The following FILIP1 variants were observed in gnomAD, a reference collection of about 807,000 sequenced individuals.
FILIP1 encodes filamin-A-interacting protein 1.
In FILIP1, 61 loss-of-function variants were observed where a neutral mutation model predicts 102.1. The observed-to-expected ratio is 0.60, with a 90% CI of 0.49 to 0.74. The LOEUF (loss-of-function observed/expected upper bound fraction) is 0.74. FILIP1 is among the 30% of genes least tolerant of loss of function. The pLI, the probability that FILIP1 is intolerant of heterozygous loss-of-function variation, is 0.00. For missense variants in FILIP1, 1,314 were observed against 1,441.2 expected (o/e 0.91, Z 1.43); for synonymous variants, 491 against 526.9 (o/e 0.93, Z 0.93).
In FILIP1 at chr6:75,377,793, C is replaced by T. The variant is rs77786401; in HGVS notation, c.277-14876G>A. 7.1e-3 allele frequency among the ~76,000 whole-genome samples: 1,088 copies of T among 152,280 alleles called. 36 individuals carry two copies. In the East Asian group the frequency reaches 0.11, roughly 15 times the overall value. On this transcript the variant is annotated intron_variant, in intron 2 of 5. Transcript: ENST00000237172. ...ACAGAACTGCTTTTTAAAAAGCTAC[C>T]TTTTTGCCCTTCGCTAGAGAAAGTT...
At chr6:75,493,012 A>G (rs1780009247) in intron 1 of FILIP1, among the ~76,000 whole-genome samples, 1 of 152,228 alleles carries the variant, frequency 6.6e-6, no homozygotes, top group Non-Finnish European at 1.5e-5. Flanking sequence ...ACCAAACACA[A>G]GCTGCTTAGC....
intron 6 of FILIP1, among the ~76,000 whole-genome samples, chr6:75,298,459 TAGTG>T (rs1267134440): frequency 2.6e-5 from 4 of 152,196 alleles, no homozygotes; most frequent in Non-Finnish European, 5.9e-5. Context: ...TTTCTAGAGA[TAGTG>T]AGATAAAATC....
intron 1 of FILIP1, among the ~76,000 whole-genome samples, chr6:75,440,272 A>G (rs1281613167): frequency 6.6e-6 from 1 of 152,336 alleles, no homozygotes; most frequent in East Asian, 1.9e-4. Context: ...ATACAAGCTG[A>G]TCTTTTAAAA....
At chr6:75,300,535 T>C (rs1772811176) in intron 6 of FILIP1, among the ~76,000 whole-genome samples, 1 of 152,264 alleles carries the variant, frequency 6.6e-6, no homozygotes, top group Non-Finnish European at 1.5e-5. Flanking sequence ...AGATATGATT[T>C]ACTTTCAAGT....
At chr6:75,365,829 A>AT (rs1188674350) in intron 2 of FILIP1, among the ~76,000 whole-genome samples, 8 of 152,210 alleles carry the variant, frequency 5.3e-5, no homozygotes, top group African/African-American at 1.7e-4. Context: ...ATCATTCCTT[A>AT]TTCCCCAGAA....
chr6:75,309,062 ACT>A (rs1217112614), intron 5 of FILIP1, among the ~76,000 whole-genome samples, 165 bp from the exon 6 acceptor site: 1 of 151,906 alleles, frequency 6.6e-6, no homozygotes. Context: ...TATCTAATCC[ACT>A]CTGATTATCT....
At chr6:75,301,407 TATC>T (rs1772833259) in intron 6 of FILIP1, among the ~76,000 whole-genome samples, 1 of 152,184 alleles carries the variant, frequency 6.6e-6, no homozygotes, top group African/African-American at 2.4e-5. Flanking sequence ...GTCCTGGCCT[TATC>T]ATTAATAAGA....
intron 1 of FILIP1, among the ~76,000 whole-genome samples, chr6:75,489,117 T>C (rs1457684914): frequency 6.6e-6 from 1 of 152,128 alleles, no homozygotes; most frequent in African/African-American, 2.4e-5. Flanking sequence ...TTACCCAGTA[T>C]AGTCGGCTGT....
intron 4 of FILIP1, among the ~76,000 whole-genome samples, chr6:75,326,773 C>T (rs1445050295): frequency 6.6e-6 from 1 of 152,176 alleles, no homozygotes; most frequent in Admixed American, 6.5e-5. Context: ...CATAACAATG[C>T]TATTGCTCAA....
intron 3 of FILIP1, among the ~76,000 whole-genome samples, chr6:75,361,354 C>G (rs1163568326): frequency 6.6e-6 from 1 of 152,178 alleles, no homozygotes; most frequent in East Asian, 1.9e-4. Flanking sequence ...GCACCTCTCC[C>G]TTGGTGGTGA....
intron 2 of FILIP1, among the ~76,000 whole-genome samples, chr6:75,414,028 G>T (rs1777167168): frequency 6.7e-6 from 1 of 150,034 alleles, no homozygotes; most frequent in African/African-American, 2.5e-5. Flanking sequence ...ATCCTTCTGG[G>T]CCTCAGATTC....
chr6:75,470,238 AT>A (rs1449825437), intron 1 of FILIP1, among the ~76,000 whole-genome samples: 2 of 152,210 alleles, frequency 1.3e-5, no homozygotes, highest in African/African-American at 2.4e-5. Context: ...ACATAAAAAA[AT>A]CAACGACTTT....
chr6:75,328,367 T>C (rs1773944019), intron 4 of FILIP1, among the ~76,000 whole-genome samples: 1 of 152,136 alleles, frequency 6.6e-6, no homozygotes, highest in Non-Finnish European at 1.5e-5. Flanking sequence ...GGGTGAAAAA[T>C]AGATGAAACC....
At chr6:75,430,915 G>A (rs1482929591) in intron 1 of FILIP1, among the ~76,000 whole-genome samples, 1 of 152,196 alleles carries the variant, frequency 6.6e-6, no homozygotes, top group Non-Finnish European at 1.5e-5. Context: ...ACACATAGCT[G>A]TCTTGTGGTT....
chr6:75,337,662 T>C (rs901347529), intron 4 of FILIP1, among the ~76,000 whole-genome samples: 1 of 152,118 alleles, frequency 6.6e-6, no homozygotes, highest in Non-Finnish European at 1.5e-5. Context: ...TTGCCTTCCT[T>C]AGTTGGGGCA....
At chr6:75,294,140 TC>T (rs1370211081) in exon 7 of FILIP1, 3 of 152,202 alleles carry the variant, frequency 2.0e-5, no homozygotes, top group African/African-American at 7.2e-5. Context: ...CTTAAAACCT[TC>T]CAAGGTTACA....
chr6:75,301,874 T>C lies in FILIP1; in HGVS notation c.3494-5924A>G, dbSNP rs982809655. 1.2e-4 allele frequency among the ~76,000 whole-genome samples: 18 copies of C among 152,186 alleles called. No homozygotes were observed. The East Asian group carries it at 3.1e-3, about 26-fold the overall frequency. ...TTTTCAGCAGCCCTTCTTCTCTGGA[T>C]ATTCACCCTGATATCTATCCTAAAT... On this transcript the variant is annotated intron_variant, in intron 6 of 6. Transcript: ENST00000393004.
intron 1 of FILIP1, among the ~76,000 whole-genome samples, chr6:75,488,227 C>G (rs148849130): frequency 1.6e-3 from 237 of 152,240 alleles, no homozygotes; most frequent in Non-Finnish European, 2.8e-3. Flanking sequence ...TATTACTTCA[C>G]TTCTGTGCTG....
Position 75,313,410 on chromosome 6 carries a change from C to CA in FILIP1, c.2421dup (p.Asp808Ter). 1 of 1,614,224 alleles carries CA rather than the reference C, an allele frequency of 6.2e-7. No homozygotes were observed. The highest frequency in any genetic ancestry group is 8.5e-7 in the Non-Finnish European group (1 of 1,180,048). ...TCTGCTGCTTCACCGCTGACTGCAT[C>CA]AGTTTGGACTCCAGTTGACGTCACA... On this transcript the variant is annotated frameshift_variant, in exon 5 of 6. Transcript: ENST00000237172. LOFTEE classifies it high-confidence loss of function. This position sits in a 1 kb window ranked among gnomAD's most constrained non-coding sequence, Gnocchi z 4.2.
Sources: allele counts gnomAD v4.1 joint callset (sites outside exome capture counted in the v4.1 genomes callset), GRCh38; gene constraint gnomAD v4.1.1; non-coding constraint Gnocchi (gnomAD v3.1); transcripts MANE v1.5; gene names NCBI Gene and HGNC (gene_info 2026-07-23, HGNC 2026-07-21).